Variants in LRRC14 observed in about 807,000 individuals in gnomAD.
LRRC14 encodes the protein leucine rich repeat containing 14.
A neutral mutation model predicts 25.3 loss-of-function variants in LRRC14; 16 were observed. The observed-to-expected ratio is 0.63, with a 90% CI of 0.43 to 0.96. The LOEUF (loss-of-function observed/expected upper bound fraction) is 0.96. Ranked by LOEUF, LRRC14 falls within the 40% of genes least tolerant of loss-of-function variation. The pLI, the probability that LRRC14 is intolerant of heterozygous loss-of-function variation, is 0.00. For synonymous variants in LRRC14, 359 were observed against 295.1 expected (o/e 1.22, Z -2.22); for missense variants, 594 against 660.5 (o/e 0.90, Z 1.10).
In LRRC14 at chr8:144,520,922, G is replaced by A. The variant is rs780965523; in HGVS notation, c.926G>A (p.Ser309Asn). Residue 309 changes from serine to asparagine, a missense_variant, in exon 4 of 4, where the codon AGC becomes AAC. By Grantham distance (46) the Ser-to-Asn change is conservative (BLOSUM62 1). Transcript: ENST00000292524. ...RLDQLLSTLQ[S>N]PLESLELAFC... is the part of the protein sequence containing the mutation. ...TGTGTCCCCTGTAGCACCCTGCAGA[G>A]CCCCCTGGAGAGCCTGGAGTTGGCC... is the stretch of plus-strand genomic sequence containing the variant. 2.5e-6 allele frequency: 4 copies of A among 1,610,348 alleles called. No homozygotes were observed. The South Asian group carries it at 3.3e-5, about 13-fold the overall frequency.
rs747745979 is a variant in LRRC14, at chr8:144,519,807, C to T, written c.82C>T (p.Arg28Cys). 9.3e-6 allele frequency: 15 copies of T among 1,613,160 alleles called. No individual in the cohort carries two copies. Among genetic ancestry groups the T allele is most frequent in the East Asian group, 8.9e-5 (4 of 44,900 alleles). Reference protein sequence around the residue: ...AACQALPLLPRELFPLLFKVA... With the variant: ...AACQALPLLPCELFPLLFKVA... The stretch of plus-strand genomic sequence containing the variant: ...CTGCCAGGCCCTGCCCTTGCTGCCA[C>T]GCGAACTCTTCCCCCTGCTGTTCAA... Residue 28 changes from arginine (R) to cysteine (C), a missense_variant, in exon 2 of 4, where the codon CGC becomes TGC. By Grantham distance (180) the Arg-to-Cys change is radical. Transcript: ENST00000292524.
chr8:144,523,579 C>G lies in LRRC14; in HGVS notation c.*2101C>G. The G allele has an allele frequency of 3.7e-6, 4 of 1,095,202 alleles. No individual in the cohort carries two copies. The highest frequency in any genetic ancestry group is 4.8e-6 in the Non-Finnish European group (4 of 831,000). 67.8% of individuals were successfully genotyped at this position (1,095,202 alleles called of 1,614,324 possible). On this transcript the variant is annotated 3_prime_UTR_variant, in exon 4 of 4. Coordinates refer to ENST00000292524, the MANE Select transcript of LRRC14 (RefSeq NM_014665.4). ...CTTGACCCCAAGCTCCTTGGGGCGG[C>G]AGGCCCTTCACCCTCGCCCCCCTCC...
Position 144,522,280 on chromosome 8 carries a change from G to C in LRRC14, c.*802G>C, listed in dbSNP as rs1424045182. 9 of 748,856 alleles carry C rather than the reference G, an allele frequency of 1.2e-5. No individual in the cohort carries two copies. The highest frequency in any genetic ancestry group is 1.7e-5 in the Non-Finnish European group (9 of 521,160). 46.4% of individuals were successfully genotyped at this position (748,856 alleles called of 1,614,324 possible). On this transcript the variant is annotated 3_prime_UTR_variant, in exon 4 of 4. Coordinates refer to ENST00000292524, the MANE Select transcript of LRRC14 (RefSeq NM_014665.4). Reference sequence around the variant, plus strand: ...AGGTTGGGGTGATGTCTTTTCGGAAGAGCTTCAAGGGAGGTGTTGGGGCCT... The same window carrying C: ...AGGTTGGGGTGATGTCTTTTCGGAACAGCTTCAAGGGAGGTGTTGGGGCCT...
In LRRC14 at chr8:144,519,729, C is replaced by T; in HGVS notation, c.4C>T (p.His2Tyr). The T allele has an allele frequency of 6.2e-7, 1 of 1,610,682 alleles. No homozygotes were observed. Among genetic ancestry groups the T allele is most frequent in the South Asian group, 1.1e-5 (1 of 90,842 alleles). Residue 2 changes from histidine to tyrosine, a missense_variant, in exon 2 of 4, where the codon CAC (histidine) becomes TAC (tyrosine). Transcript: ENST00000292524. Reference sequence around the variant, plus strand: ...GCCGTCTGCCCGGCCCAGCACCATGCACACGCTTGTGTTCTTGAGCACACG... The same window carrying T: ...GCCGTCTGCCCGGCCCAGCACCATGTACACGCTTGTGTTCTTGAGCACACG... M[H>Y]TLVFLSTRQV... is the part of the protein sequence containing the mutation.
At chr8:144,518,230 T>G in intron 1 of LRRC14, 189 bp downstream of exon 1, 1 of 152,292 alleles carries the variant, frequency 6.6e-6, no homozygotes, top group Non-Finnish European at 1.5e-5. Flanking sequence ...GGACTGGGAG[T>G]CCCCGGGCCG....
In LRRC14 at chr8:144,523,689, A is replaced by T; in HGVS notation, c.*2211A>T. On this transcript the variant is annotated 3_prime_UTR_variant, in exon 4 of 4. Coordinates refer to ENST00000292524, the MANE Select transcript of LRRC14 (RefSeq NM_014665.4). ...CACCTGCTCCTTAAGTCTTCCTGCA[A>T]CAAGTGCCACTGTTTTTAGGAACCT... 2.3e-6 allele frequency: 1 copy of T among 433,148 alleles called. No homozygotes were observed. 26.8% of individuals were successfully genotyped at this position (433,148 alleles called of 1,614,324 possible).
chr8:144,523,990 G>T lies in LRRC14; in HGVS notation c.*2512G>T. On this transcript the variant is annotated 3_prime_UTR_variant, in exon 4 of 4. Coordinates refer to ENST00000292524, the MANE Select transcript of LRRC14 (RefSeq NM_014665.4). ...CAGCCCTCCAGTGTGGCTGCAGGCG[G>T]TGGTGCAGCCTTCCAGACTGCTGCC... The T allele has an allele frequency of 8.5e-7, 1 of 1,181,876 alleles. No individual in the cohort carries two copies. The highest frequency in any genetic ancestry group is 1.2e-6 in the Non-Finnish European group (1 of 836,808). The allele number at this position is 1,181,876 out of a possible 1,614,324, so 73.2% of individuals were successfully genotyped here.
In LRRC14 at chr8:144,522,795, C is replaced by CG; in HGVS notation, c.*1317_*1318insG. ...AGCGCCAGCAGCGCGATGGCCGCCG[C>CG]AATGGCCGTCTGTGTGGCCACGCCC... On this transcript the variant is annotated 3_prime_UTR_variant, in exon 4 of 4. Transcript: ENST00000292524. 1 of 1,544,516 alleles carries CG rather than the reference C, an allele frequency of 6.5e-7. No homozygotes were observed. The highest frequency in any genetic ancestry group is 1.2e-5 in the South Asian group (1 of 84,030).
Position 144,523,066 on chromosome 8 carries a change from C to T in LRRC14, c.*1588C>T. The T allele has an allele frequency of 1.2e-6, 2 of 1,606,844 alleles. No individual in the cohort carries two copies. Among genetic ancestry groups the T allele is most frequent in the South Asian group, 2.2e-5 (2 of 90,908 alleles). On this transcript the variant is annotated 3_prime_UTR_variant, in exon 4 of 4. Coordinates refer to ENST00000292524, the MANE Select transcript of LRRC14 (RefSeq NM_014665.4). The stretch of plus-strand genomic sequence containing the variant: ...CCGTGTCGGATGCCGAGTGTCCGCC[C>T]AGGCCCAGCAACCCGCCTTCTAGCT...
rs2130791219 is a variant in LRRC14 at position 144,523,467 on chromosome 8, A to G, written c.*1989A>G. 2.7e-6 allele frequency: 4 copies of G among 1,491,752 alleles called. No individual in the cohort carries two copies. In the East Asian group the frequency reaches 9.5e-5, roughly 35 times the overall value. The allele number at this position is 1,491,752 out of a possible 1,614,324, so 92.4% of individuals were successfully genotyped here. A position where few individuals can be genotyped will look rare whatever the true frequency, so the allele number is the denominator to read the frequency against. On this transcript the variant is annotated 3_prime_UTR_variant, in exon 4 of 4. Coordinates refer to ENST00000292524, the MANE Select transcript of LRRC14 (RefSeq NM_014665.4). ...AGGGTGCTGCTAAAACAGCCTGTGC[A>G]GTTGGGGTTTTGCAGGCCAGGACAG...
Position 144,524,689 on chromosome 8 carries a change from G to A in LRRC14, c.*3211G>A. The A allele has an allele frequency of 6.8e-7, 1 of 1,470,098 alleles. No individual in the cohort carries two copies. The allele number at this position is 1,470,098 out of a possible 1,614,324, so 91.1% of individuals were successfully genotyped here. A position where few individuals can be genotyped will look rare whatever the true frequency, so the allele number is the denominator to read the frequency against. ...GGCGCCAGGGCTCCCGGCTCTAGGCGGGCGATGTTGTTGTCCTGCAGGAAC... is the reference window on the plus strand; with the variant it reads ...GGCGCCAGGGCTCCCGGCTCTAGGCAGGCGATGTTGTTGTCCTGCAGGAAC... On this transcript the variant is annotated 3_prime_UTR_variant, in exon 4 of 4. Coordinates refer to ENST00000292524, the MANE Select transcript of LRRC14 (RefSeq NM_014665.4).
In LRRC14 at chr8:144,524,933, T is replaced by TATC. The variant is rs1564825864; in HGVS notation, c.*3456_*3457insTCA. ...AGCCGGCGGCGCGGAGCGGCAGTAG[T>TATC]AGCAGCAGCAGCGGCAGCAGTGCGG... is the stretch of plus-strand genomic sequence containing the variant. On this transcript the variant is annotated 3_prime_UTR_variant, in exon 4 of 4. Transcript: ENST00000292524. 4 of 1,510,860 alleles carry TATC rather than the reference T, an allele frequency of 2.6e-6. No individual in the cohort carries two copies. In the South Asian group the frequency reaches 4.9e-5, roughly 18 times the overall value. The allele number at this position is 1,510,860 out of a possible 1,614,324, so 93.6% of individuals were successfully genotyped here.
rs1182623465 is a variant in LRRC14, at chr8:144,520,347, T to C, written c.439T>C (p.Cys147Arg). 1 of 1,612,070 alleles carries C rather than the reference T, an allele frequency of 6.2e-7. No homozygotes were observed. Among genetic ancestry groups the C allele is most frequent in the Non-Finnish European group, 8.5e-7 (1 of 1,179,900 alleles). The change falls in exon 3 of 4, where the codon TGC becomes CGC. Residue 147 changes from cysteine (C) to arginine (R), a missense_variant. By Grantham distance (180) the Cys-to-Arg change is radical. Transcript: ENST00000292524. ...WDCTAAVARTCIAQQQGGAAE... is the reference protein window; with the variant it reads ...WDCTAAVARTRIAQQQGGAAE... ...CTGTACTGCTGCCGTAGCTCGCACA[T>C]GCATTGCCCAGCAGCAGGGTGGGGC...
Position 144,520,716 on chromosome 8 carries a change from G to A in LRRC14, c.808G>A (p.Glu270Lys), listed in dbSNP as rs200319439. 5.9e-5 allele frequency: 94 copies of A among 1,599,404 alleles called. No homozygotes were observed. The highest frequency in any genetic ancestry group is 7.5e-5 in the Non-Finnish European group (89 of 1,179,952). The change falls in exon 3 of 4, where the codon GAG (glutamate) becomes AAG (lysine). Residue 270 changes from glutamate (E) to lysine (K), a missense_variant. Physicochemically the swap from Glu to Lys is moderately conservative, Grantham distance 56. Transcript: ENST00000292524. ...TTCAAGGCAGCCCTCCGTGGATGGC[G>A]AGGACAACTTCCGCTACTTCCTTGC... Reference protein sequence around the residue: ...GDSRQPSVDGEDNFRYFLAQM... With the variant: ...GDSRQPSVDGKDNFRYFLAQM...
Position 144,524,089 on chromosome 8 carries a change from C to T in LRRC14, c.*2611C>T, listed in dbSNP as rs748335090. The T allele has an allele frequency of 5.0e-6, 8 of 1,591,046 alleles. No homozygotes were observed. Among genetic ancestry groups the T allele is most frequent in the Admixed American group, 1.7e-5 (1 of 58,980 alleles). ...GCCAACACCGTGGCCCAGACAGAGACGCTTTCCGAGGAAGAGGTACCTGTG... is the reference window on the plus strand; with the variant it reads ...GCCAACACCGTGGCCCAGACAGAGATGCTTTCCGAGGAAGAGGTACCTGTG... On this transcript the variant is annotated 3_prime_UTR_variant, in exon 4 of 4. Coordinates refer to ENST00000292524, the MANE Select transcript of LRRC14 (RefSeq NM_014665.4).
In LRRC14 at chr8:144,522,820, C is replaced by T. The variant is rs535499096; in HGVS notation, c.*1342C>T. On this transcript the variant is annotated 3_prime_UTR_variant, in exon 4 of 4. Coordinates refer to ENST00000292524, the MANE Select transcript of LRRC14 (RefSeq NM_014665.4). Reference sequence around the variant, plus strand: ...CAATGGCCGTCTGTGTGGCCACGCCCAGGGCGCGGAAGGCCATGCTGCCCG... The same window carrying T: ...CAATGGCCGTCTGTGTGGCCACGCCTAGGGCGCGGAAGGCCATGCTGCCCG... The T allele has an allele frequency of 8.0e-6, 12 of 1,490,746 alleles. No individual in the cohort carries two copies. In the Admixed American group the frequency reaches 1.1e-4, roughly 14 times the overall value. The allele number at this position is 1,490,746 out of a possible 1,614,324, so 92.3% of individuals were successfully genotyped here.
In LRRC14 at chr8:144,521,630, C is replaced by T. The variant is rs1410185205; in HGVS notation, c.*152C>T. The T allele has an allele frequency of 1.3e-6, 1 of 761,328 alleles. No individual in the cohort carries two copies. Among genetic ancestry groups the T allele is most frequent in the Non-Finnish European group, 2.1e-6 (1 of 484,792 alleles). The allele number at this position is 761,328 out of a possible 1,614,324, so 47.2% of individuals were successfully genotyped here. On this transcript the variant is annotated 3_prime_UTR_variant, in exon 4 of 4. Coordinates refer to ENST00000292524, the MANE Select transcript of LRRC14 (RefSeq NM_014665.4). ...GCTTCTGGGCACACCTCAAGCCTCC[C>T]CTGCTTTCTGCAGTGCCCCACGCGG...
chr8:144,523,725 A>G lies in LRRC14; in HGVS notation c.*2247A>G, dbSNP rs893484718. 3 of 414,370 alleles carry G rather than the reference A, an allele frequency of 7.2e-6. No homozygotes were observed. The highest frequency in any genetic ancestry group is 1.3e-5 in the Non-Finnish European group (3 of 234,372). 25.7% of individuals were successfully genotyped at this position (414,370 alleles called of 1,614,324 possible). ...TGTTTTTAGGAACCTGGGCGTCCAC[A>G]TAGACATCTCACCAGCACTGAAACC... On this transcript the variant is annotated 3_prime_UTR_variant, in exon 4 of 4. Transcript: ENST00000292524.
Position 144,523,129 on chromosome 8 carries a change from C to T in LRRC14, c.*1651C>T, listed in dbSNP as rs1816194779. ...GCGGCCGGCCCTCGCGAGGCTGGGG[C>T]ACCTTTCTCCAGGTCACCAATGGCT... is the stretch of plus-strand genomic sequence containing the variant. On this transcript the variant is annotated 3_prime_UTR_variant, in exon 4 of 4. Coordinates refer to ENST00000292524, the MANE Select transcript of LRRC14 (RefSeq NM_014665.4). The T allele has an allele frequency of 2.5e-6, 4 of 1,610,192 alleles. No individual in the cohort carries two copies. The highest frequency in any genetic ancestry group is 1.3e-5 in the African/African-American group (1 of 74,930).
Sources: allele counts gnomAD v4.1 joint callset, GRCh38; gene constraint gnomAD v4.1.1; transcripts MANE v1.5; gene names NCBI Gene and HGNC (gene_info 2026-07-23, HGNC 2026-07-21).